The following KCTD16 variants were observed in gnomAD, a reference collection of about 807,000 sequenced individuals.
KCTD16 encodes potassium channel tetramerization domain containing 16.
In KCTD16, 13 loss-of-function variants were observed where a neutral mutation model predicts 33.2. The observed-to-expected ratio is 0.39, with a 90% CI of 0.25 to 0.62. KCTD16 has a LOEUF of 0.62. KCTD16 is among the 20% of genes least tolerant of loss of function. The pLI is 0.50. For missense variants in KCTD16, 441 were observed against 525.1 expected (o/e 0.84, Z 1.57); for synonymous variants, 197 against 195.3 (o/e 1.01, Z -0.07).
chr5:144,392,542 T>C (rs1345271099), intron 3 of KCTD16, among the ~76,000 whole-genome samples: 7 of 152,206 alleles, frequency 4.6e-5, no homozygotes, highest in African/African-American at 1.7e-4. Context: ...TGAAAACACG[T>C]AGACCAGCTA....
At chr5:144,395,016 A>G (rs368930060) in intron 3 of KCTD16, among the ~76,000 whole-genome samples, 1 of 152,350 alleles carries the variant, frequency 6.6e-6, no homozygotes, top group East Asian at 1.9e-4. Flanking sequence ...CTGGATCAGA[A>G]GCAGCAATAT....
intron 3 of KCTD16, among the ~76,000 whole-genome samples, chr5:144,256,548 A>G (rs920075189): frequency 1.3e-5 from 2 of 152,152 alleles, no homozygotes; most frequent in Non-Finnish European, 2.9e-5. Flanking sequence ...CTTGTGCTGA[A>G]TTAAGAAGGA....
chr5:144,190,649 C>CTA (rs1752823476), intron 2 of KCTD16, among the ~76,000 whole-genome samples: 1 of 152,064 alleles, frequency 6.6e-6, no homozygotes, highest in African/African-American at 2.4e-5. Context: ...ACACTTTTCC[C>CTA]CTACCTCTTT....
intron 3 of KCTD16, among the ~76,000 whole-genome samples, chr5:144,242,934 A>G (rs1754444834): frequency 6.6e-6 from 1 of 152,194 alleles, no homozygotes; most frequent in South Asian, 2.1e-4. Flanking sequence ...GAAGGGATAA[A>G]TATCTAAATC....
intron 3 of KCTD16, among the ~76,000 whole-genome samples, chr5:144,218,441 C>G (rs956718104): frequency 6.6e-6 from 1 of 152,222 alleles, no homozygotes; most frequent in Non-Finnish European, 1.5e-5. Flanking sequence ...CTTAGGAAAA[C>G]TTTAAGATTA....
Position 144,482,008 on chromosome 5 carries a change from C to T in KCTD16, c.*7894C>T, listed in dbSNP as rs746509186. On this transcript the variant is annotated 3_prime_UTR_variant, in exon 4 of 4. Coordinates refer to ENST00000512467, the MANE Select transcript of KCTD16 (RefSeq NM_020768.4). ...CTTTACAGATGAGGTCAGTGAGGCT[C>T]AGAAAGATAAAGTAGCACATAAAGG... is the stretch of plus-strand genomic sequence containing the variant. The T allele has an allele frequency of 1.3e-5, 2 of 151,876 alleles. No individual in the cohort carries two copies. The highest frequency in any genetic ancestry group is 2.9e-5 in the Non-Finnish European group (2 of 67,916). 9.4% of individuals were successfully genotyped at this position (151,876 alleles called of 1,614,324 possible).
chr5:144,309,089 T>TATC (rs1230292415), intron 3 of KCTD16, among the ~76,000 whole-genome samples: 1 of 152,206 alleles, frequency 6.6e-6, no homozygotes, highest in Non-Finnish European at 1.5e-5. Context: ...TGTGATGAAC[T>TATC]ATCACATTTC....
chr5:144,377,797 G>A (rs1183336434), intron 3 of KCTD16: 1 of 152,138 alleles, frequency 6.6e-6, no homozygotes, highest in African/African-American at 2.4e-5. Context: ...AGAGAGCAGT[G>A]ATAATCAAAC....
chr5:144,332,136 A>G (rs1752377707), intron 3 of KCTD16, among the ~76,000 whole-genome samples: 1 of 152,224 alleles, frequency 6.6e-6, no homozygotes, highest in African/African-American at 2.4e-5. Flanking sequence ...GTAAAATGAC[A>G]TAAAAATATA....
chr5:144,248,643 A>G (rs1033203785), intron 3 of KCTD16, among the ~76,000 whole-genome samples: 1 of 152,208 alleles, frequency 6.6e-6, no homozygotes, highest in Non-Finnish European at 1.5e-5. Flanking sequence ...CCAACCATTT[A>G]GGCAGGGAAT....
At chr5:144,444,302 A>G (rs956872711) in intron 3 of KCTD16, among the ~76,000 whole-genome samples, 4 of 150,906 alleles carry the variant, frequency 2.7e-5, no homozygotes, top group African/African-American at 7.4e-5. Flanking sequence ...GCTCTTCTAT[A>G]TTACAGTTGG....
intron 3 of KCTD16, among the ~76,000 whole-genome samples, chr5:144,245,867 T>G (rs1225868164): frequency 6.6e-6 from 1 of 152,228 alleles, no homozygotes; most frequent in Admixed American, 6.5e-5. Context: ...CCATGCTTCC[T>G]ATGAAGCCTG....
intron 3 of KCTD16, among the ~76,000 whole-genome samples, chr5:144,316,046 C>A (rs776287492): frequency 6.7e-6 from 1 of 148,522 alleles, no homozygotes; most frequent in Non-Finnish European, 1.5e-5. Context: ...CAATTAATTT[C>A]GTTTTCGTAG....
intron 3 of KCTD16, among the ~76,000 whole-genome samples, chr5:144,334,592 A>T (rs143662607): frequency 1.1e-3 from 161 of 152,302 alleles, no homozygotes; most frequent in African/African-American, 3.0e-3. Flanking sequence ...GATGTTATGC[A>T]CTTTGTCTCC....
At chr5:144,185,911 A>C (rs1752716119) in intron 2 of KCTD16, among the ~76,000 whole-genome samples, 1 of 152,178 alleles carries the variant, frequency 6.6e-6, no homozygotes, top group African/African-American at 2.4e-5. Flanking sequence ...CTCTAAGTCA[A>C]GTGCTATTAT....
At position 144,276,755 on chromosome 5, in the gene KCTD16, T is replaced by C. The variant is rs117148168; in HGVS notation, c.832+69209T>C. ...CCTGTCTCTGCTAAAATACAAAAAT[T>C]AGCCATGCATAGTGGCTTACACCTG... On this transcript the variant is annotated intron_variant, in intron 3 of 3. Transcript: ENST00000512467. Among the ~76,000 whole-genome samples, 161 of 152,132 alleles carry C rather than the reference T, an allele frequency of 1.1e-3. 2 individuals carry two copies. The East Asian group carries it at 0.027, about 25-fold the overall frequency.
chr5:144,356,311 G>C (rs1280359118), intron 3 of KCTD16, among the ~76,000 whole-genome samples: 1 of 152,158 alleles, frequency 6.6e-6, no homozygotes, highest in Non-Finnish European at 1.5e-5. Flanking sequence ...CTCTGAGTAA[G>C]TGTGTGTCCG....
At chr5:144,435,228 C>T (rs920420202) in intron 3 of KCTD16, among the ~76,000 whole-genome samples, 3 of 152,152 alleles carry the variant, frequency 2.0e-5, no homozygotes, top group Non-Finnish European at 4.4e-5. Context: ...TTAGCTAGGG[C>T]GTTTTACCTG....
In KCTD16 at chr5:144,478,271, C is replaced by T. The variant is rs1754635970; in HGVS notation, c.*4157C>T. On this transcript the variant is annotated 3_prime_UTR_variant, in exon 4 of 4. Transcript: ENST00000512467. ...GAGAAATTAGACCAAATGAAACCTG[C>T]TGGAATAGGTTTGATTTATATTGCC... 6.6e-6 allele frequency: 1 copy of T among 151,974 alleles called. No homozygotes were observed. 9.4% of individuals were successfully genotyped at this position (151,974 alleles called of 1,614,324 possible).
Sources: gnomAD v4.1 joint callset for allele counts (sites outside exome capture counted in the v4.1 genomes callset) on GRCh38, gnomAD v4.1.1 for gene constraint, MANE v1.5 for transcripts, NCBI Gene and HGNC (gene_info 2026-07-23, HGNC 2026-07-21) for gene names.